CYLC2: variants seen among roughly 807,000 people sequenced by gnomAD.
CYLC2 encodes cylicin 2, also known as cylicin-2.
Under a neutral mutation model 26.1 loss-of-function variants are expected in CYLC2, and 30 were observed. That is an observed-to-expected ratio of 1.15 (90% CI 0.86 to 1.56). CYLC2 has a LOEUF of 1.56. CYLC2 is among the 40% of genes most tolerant of loss of function. The pLI, the probability that CYLC2 is intolerant of heterozygous loss-of-function variation, is 0.00. For missense variants in CYLC2, 498 were observed against 394.4 expected, an observed-to-expected ratio of 1.26 and a Z score of -2.23; for synonymous variants, 158 against 132.8, an observed-to-expected ratio of 1.19 and a Z score of -1.31.
chr9:102,995,881 C>G (rs1215609385), intron 1 of CYLC2, among the ~76,000 whole-genome samples: 1 of 151,748 alleles, frequency 6.6e-6, no homozygotes, highest in Admixed American at 6.6e-5. Context: ...AGTGGTATCC[C>G]TCTTGCAAAA....
Position 103,004,977 on chromosome 9 carries a change from A to T in CYLC2, c.346A>T (p.Lys116Ter), listed in dbSNP as rs1829324660. 6.3e-7 allele frequency: 1 copy of T among 1,579,888 alleles called. No individual in the cohort carries two copies. The highest frequency in any genetic ancestry group is 8.5e-7 in the Non-Finnish European group (1 of 1,171,258). ...EVDSKAAEIG[K>*]KGEDKTTQKD... is the part of the protein sequence containing the mutation. ...TGAATATTTATCCCCAGAAATTGGT[A>T]AGAAAGGTGAAGACAAGACAACACA... Residue 116 changes from lysine (K) to a stop codon, truncating the protein, a stop_gained, in exon 5 of 8, where the codon AAG becomes TAG. Transcript: ENST00000374798. LOFTEE classifies it high-confidence loss of function.
intron 6 of CYLC2, among the ~76,000 whole-genome samples, chr9:103,014,963 T>G (rs1324667675): frequency 1.6e-5 from 2 of 126,830 alleles, no homozygotes; most frequent in Admixed American, 1.7e-4. Flanking sequence ...ATATACATAT[T>G]CATATTATGT....
At chr9:103,000,691 T>G (rs1412974669) in intron 1 of CYLC2, among the ~76,000 whole-genome samples, 2 of 152,080 alleles carry the variant, frequency 1.3e-5, no homozygotes, top group Non-Finnish European at 2.9e-5. Context: ...AAGATACTGC[T>G]TTTCTATGCT....
At chr9:103,000,803 C>A (rs1240188189) in intron 1 of CYLC2, among the ~76,000 whole-genome samples, 2 of 151,906 alleles carry the variant, frequency 1.3e-5, no homozygotes, top group Non-Finnish European at 2.9e-5. Flanking sequence ...GGCTCTATAT[C>A]CAAAATATAA....
chr9:103,015,316 A>G (rs1176570986), intron 6 of CYLC2, among the ~76,000 whole-genome samples: 1 of 131,808 alleles, frequency 7.6e-6, no homozygotes, highest in African/African-American at 2.8e-5. Flanking sequence ...TATATATTAT[A>G]TATAACATAT....
In CYLC2 at chr9:103,018,444, T is replaced by A. The variant is rs1187059107; in HGVS notation, c.*1010T>A. 1 of 152,026 alleles carries A rather than the reference T, an allele frequency of 6.6e-6. No homozygotes were observed. Among genetic ancestry groups the A allele is most frequent in the Non-Finnish European group, 1.5e-5 (1 of 68,000 alleles). 9.4% of individuals were successfully genotyped at this position (152,026 alleles called of 1,614,324 possible). A position where few individuals can be genotyped will look rare whatever the true frequency, so the allele number is the denominator to read the frequency against. On this transcript the variant is annotated 3_prime_UTR_variant, in exon 8 of 8. Coordinates refer to ENST00000374798, the MANE Select transcript of CYLC2 (RefSeq NM_001340.5). ...AGCTCTAATTACGAATTGAACACAT[T>A]AAACACCTGGTGAAATTATCAATTA... is the stretch of plus-strand genomic sequence containing the variant.
At chr9:103,000,535 T>C (rs952696585) in intron 1 of CYLC2, among the ~76,000 whole-genome samples, 8 of 152,006 alleles carry the variant, frequency 5.3e-5, no homozygotes, top group African/African-American at 9.7e-5. Flanking sequence ...GTAATTTTGG[T>C]GCATGTACTC....
intron 6 of CYLC2, among the ~76,000 whole-genome samples, chr9:103,012,528 A>G (rs1159888995): frequency 2.6e-5 from 4 of 152,046 alleles, no homozygotes; most frequent in Admixed American, 1.3e-4. Flanking sequence ...TCTTTTTTAA[A>G]TAATTCAAAT....
intron 1 of CYLC2, among the ~76,000 whole-genome samples, chr9:103,000,740 G>A (rs548281847): frequency 3.9e-5 from 6 of 152,040 alleles, no homozygotes; most frequent in African/African-American, 1.4e-4. Flanking sequence ...TAAACACCAC[G>A]TGTGTGTTTG....
chr9:103,013,923 TATC>T (rs1395542647), intron 6 of CYLC2, among the ~76,000 whole-genome samples: 1 of 115,324 alleles, frequency 8.7e-6, no homozygotes, highest in African/African-American at 3.5e-5. Flanking sequence ...ATACATTATA[TATC>T]ATATCTATTA....
chr9:103,004,723 A>T lies in CYLC2; in HGVS notation c.209A>T (p.Asp70Val). 1 of 1,601,842 alleles carries T rather than the reference A, an allele frequency of 6.2e-7. No homozygotes were observed. Among genetic ancestry groups the T allele is most frequent in the African/African-American group, 1.3e-5 (1 of 74,290 alleles). Reference sequence around the variant, plus strand: ...ATTGATGAAGAACAATTAAGAGGAGATCGTAGACAACCATTATGGATGTAC... The same window carrying T: ...ATTGATGAAGAACAATTAAGAGGAGTTCGTAGACAACCATTATGGATGTAC... ...SIIDEEQLRG[D>V]RRQPLWMYRS... Residue 70 changes from aspartate (D) to valine (V), a missense_variant, in exon 4 of 8, where the codon GAT becomes GTT. Asp to Val is a radical substitution (Grantham distance 152). Transcript: ENST00000374798.
intron 7 of CYLC2, among the ~76,000 whole-genome samples, chr9:103,017,685 T>C (rs1480746592): frequency 6.6e-6 from 1 of 152,038 alleles, no homozygotes; most frequent in African/African-American, 2.4e-5. Flanking sequence ...TTAGAATGTA[T>C]GCATTAGGGG....
rs752103381 is a variant in CYLC2 at position 103,005,532 on chromosome 9, A to G, written c.901A>G (p.Lys301Glu). The change falls in exon 5 of 8, where the codon AAG becomes GAG. Residue 301 changes from lysine (K) to glutamate (E), a missense_variant. Physicochemically the swap from Lys to Glu is moderately conservative, Grantham distance 56. Transcript: ENST00000374798. ...ESKKDATKDAKKVAKKDTEKE... is the reference protein window; with the variant it reads ...ESKKDATKDAEKVAKKDTEKE... ...TAAGAAGGACGCCACGAAAGATGCC[A>G]AGAAAGTTGCCAAGAAAGATACTGA... 1.2e-6 allele frequency: 2 copies of G among 1,610,246 alleles called. No individual in the cohort carries two copies. The highest frequency in any genetic ancestry group is 1.4e-5 in the African/African-American group (1 of 73,958).
Position 102,995,357 on chromosome 9 carries a change from C to T in CYLC2, c.-24C>T, listed in dbSNP as rs778352624. On this transcript the variant is annotated 5_prime_UTR_variant, in exon 1 of 8. Coordinates refer to ENST00000374798, the MANE Select transcript of CYLC2 (RefSeq NM_001340.5). ...CAGTTTGAACTTACAATACTTAAGT[C>T]CTGGCAAGTCATAAGTGGGGAAAAT... is the stretch of plus-strand genomic sequence containing the variant. The T allele has an allele frequency of 1.5e-5, 24 of 1,597,480 alleles. No homozygotes were observed. Among genetic ancestry groups the T allele is most frequent in the Non-Finnish European group, 2.1e-5 (24 of 1,165,856 alleles).
At chr9:103,002,801 T>C (rs1829301831) in intron 2 of CYLC2, among the ~76,000 whole-genome samples, 2 of 152,136 alleles carry the variant, frequency 1.3e-5, no homozygotes, top group South Asian at 4.1e-4. Context: ...TCTGTTATAA[T>C]AAAATTGTAT....
chr9:103,006,074 T>G lies in CYLC2; in HGVS notation c.*396T>G, dbSNP rs1441746694. ...CACACACACACACACACACACACAG[T>G]TTAATGAAGGCTTAAAGAATCCAAG... On this transcript the variant is annotated 3_prime_UTR_variant, in exon 5 of 8. Coordinates refer to ENST00000374798, the MANE Select transcript of CYLC2 (RefSeq NM_001340.5). 1 of 82,386 alleles carries G rather than the reference T, an allele frequency of 1.2e-5. No homozygotes were observed. Among genetic ancestry groups the G allele is most frequent in the Non-Finnish European group, 2.6e-5 (1 of 37,794 alleles). The allele number at this position is 82,386 out of a possible 1,614,324, so 5.1% of individuals were successfully genotyped here.
intron 3 of CYLC2, 36 bp from the exon 4 acceptor site, chr9:103,004,659 C>A (rs888473449): frequency 1.5e-5 from 22 of 1,476,378 alleles, no homozygotes; most frequent in Non-Finnish European, 2.0e-5. Flanking sequence ...GTTATTCACT[C>A]ACAAGTTGTT....
intron 2 of CYLC2, among the ~76,000 whole-genome samples, chr9:103,002,641 C>T (rs953662599): frequency 6.6e-6 from 1 of 151,976 alleles, no homozygotes; most frequent in Non-Finnish European, 1.5e-5. Flanking sequence ...CGTGAGCCAC[C>T]GCGCCTGGCT....
At chr9:103,011,952 T>C (rs1292300030) in intron 5 of CYLC2, 30 bp from the exon 6 acceptor site, 2 of 125,536 alleles carry the variant, frequency 1.6e-5, no homozygotes, top group Non-Finnish European at 3.4e-5. Context: ...ATTCTCTTTT[T>C]TTTTTTTTTT....
Sources: allele counts gnomAD v4.1 joint callset (sites outside exome capture counted in the v4.1 genomes callset), GRCh38; gene constraint gnomAD v4.1.1; transcripts MANE v1.5; gene names NCBI Gene and HGNC (gene_info 2026-07-23, HGNC 2026-07-21).